The following NCOA2 variants were observed in gnomAD, a reference collection of about 807,000 sequenced individuals.
The protein encoded by NCOA2 is nuclear receptor coactivator 2.
In NCOA2, 21 loss-of-function variants were observed where a neutral mutation model predicts 145.1. The observed-to-expected ratio is 0.14, with a 90% CI of 0.10 to 0.21. The LOEUF (loss-of-function observed/expected upper bound fraction) is 0.21, where lower values mean the gene tolerates loss of function less well. Ranked by LOEUF, NCOA2 falls within the 10% of genes least tolerant of loss-of-function variation. The pLI is 1.00. For missense variants in NCOA2, 1,472 were observed against 1,837.6 expected (o/e 0.80, Z 3.64); for synonymous variants, 619 against 637.5 (o/e 0.97, Z 0.44).
chr8:70,247,235 C>A (rs1822708740), intron 2 of NCOA2, among the ~76,000 whole-genome samples: 1 of 151,984 alleles, frequency 6.6e-6, no homozygotes, highest in African/African-American at 2.4e-5. Context: ...CATAAGTTTC[C>A]ATAAAGACCT....
chr8:70,326,420 TTC>T (rs201624419), intron 1 of NCOA2, among the ~76,000 whole-genome samples: 33 of 140,690 alleles, frequency 2.3e-4, no homozygotes, highest in East Asian at 4.2e-4. Context: ...CTTTCTGCAT[TTC>T]TCTCTCTCAC....
intron 1 of NCOA2, among the ~76,000 whole-genome samples, chr8:70,370,844 A>G (rs1304414408): frequency 1.3e-5 from 2 of 152,194 alleles, no homozygotes; most frequent in African/African-American, 2.4e-5. Flanking sequence ...CAATTAGAGA[A>G]TATTTACCAG....
At chr8:70,445,688 G>A in the NCOA2 span, among the ~76,000 whole-genome samples, 3 of 152,188 alleles carry the variant, frequency 2.0e-5, no homozygotes, top group Admixed American at 6.5e-5. Flanking sequence ...GAGGATGTTC[G>A]AGTTTTAAAT....
At chr8:70,260,295 G>A (rs950216728) in intron 2 of NCOA2, among the ~76,000 whole-genome samples, 1 of 151,980 alleles carries the variant, frequency 6.6e-6, no homozygotes, top group Non-Finnish European at 1.5e-5. Context: ...TCCCAACCCA[G>A]CTAATTTTTA....
intron 4 of NCOA2, among the ~76,000 whole-genome samples, chr8:70,203,347 T>C (rs1818116571): frequency 6.6e-6 from 1 of 151,882 alleles, no homozygotes; most frequent in South Asian, 2.1e-4. Flanking sequence ...AATACGTAAG[T>C]CTAAAGTCCA....
At chr8:70,358,496 T>C (rs1809936445) in intron 1 of NCOA2, among the ~76,000 whole-genome samples, 1 of 152,092 alleles carries the variant, frequency 6.6e-6, no homozygotes, top group Non-Finnish European at 1.5e-5. Flanking sequence ...ATGTCAAGAG[T>C]ATTCAGTGGG....
At chr8:70,147,671 A>G (rs1254469749) in intron 12 of NCOA2, among the ~76,000 whole-genome samples, 1 of 152,238 alleles carries the variant, frequency 6.6e-6, no homozygotes. Context: ...TTCTAAACAG[A>G]CAACTTAACT....
chr8:70,200,052 T>C (rs1817721977), intron 4 of NCOA2, among the ~76,000 whole-genome samples: 1 of 152,190 alleles, frequency 6.6e-6, no homozygotes, highest in Admixed American at 6.5e-5. Flanking sequence ...ATAACAACTA[T>C]GTATATAGCA....
At chr8:70,281,355 CAAAAAAA>C (rs372574771) in intron 2 of NCOA2, among the ~76,000 whole-genome samples, 243 of 61,014 alleles carry the variant, frequency 4.0e-3, no homozygotes, top group Middle Eastern at 0.015. Flanking sequence ...GACCCTGTCT[CAAAAAAA>C]AAAAAAAAAA....
the NCOA2 span, among the ~76,000 whole-genome samples, chr8:70,420,498 C>T: frequency 1.2e-4 from 18 of 152,116 alleles, no homozygotes; most frequent in Admixed American, 2.6e-4. Context: ...ATGGCATGTT[C>T]TAAGGGGCAT....
chr8:70,404,561 A>C (rs1246109188), upstream of NCOA2, among the ~76,000 whole-genome samples: 3 of 152,202 alleles, frequency 2.0e-5, no homozygotes, highest in African/African-American at 7.2e-5. Flanking sequence ...GGCTTCTCCC[A>C]TTGCAGTCCT....
chr8:70,434,220 A>G, the NCOA2 span, among the ~76,000 whole-genome samples: 2 of 152,244 alleles, frequency 1.3e-5, no homozygotes, highest in African/African-American at 2.4e-5. Context: ...GTCTTCGGTC[A>G]TCGGAACATA....
intron 1 of NCOA2, among the ~76,000 whole-genome samples, chr8:70,369,583 A>C (rs1811027689): frequency 6.6e-6 from 1 of 152,206 alleles, no homozygotes; most frequent in Non-Finnish European, 1.5e-5. Context: ...AAGATAGAGC[A>C]GAAGGCACAC....
chr8:70,159,231 T>TAC (rs1812634071), intron 10 of NCOA2, among the ~76,000 whole-genome samples: 3 of 76,374 alleles, frequency 3.9e-5, no homozygotes, highest in East Asian at 7.1e-4. Flanking sequence ...ATTATATATA[T>TAC]ATATATATAT....
At chr8:70,448,934 A>T in the NCOA2 span, among the ~76,000 whole-genome samples, 33 of 151,976 alleles carry the variant, frequency 2.2e-4, no homozygotes, top group African/African-American at 8.0e-4. Context: ...TCTCCTGAGC[A>T]GCTGAGACAC....
intron 2 of NCOA2, among the ~76,000 whole-genome samples, chr8:70,262,917 C>T (rs1824257895): frequency 6.6e-6 from 1 of 151,856 alleles, no homozygotes; most frequent in Admixed American, 6.6e-5. Context: ...AAGAGATTAA[C>T]AACAATAGTT....
intron 2 of NCOA2, among the ~76,000 whole-genome samples, chr8:70,278,623 G>A (rs1238820027): frequency 6.6e-6 from 1 of 152,026 alleles, no homozygotes; most frequent in Non-Finnish European, 1.5e-5. Flanking sequence ...TCAGCCTCCA[G>A]TATTGCCCTC....
intron 1 of NCOA2, among the ~76,000 whole-genome samples, chr8:70,326,374 A>G (rs1217186449): frequency 6.6e-6 from 1 of 152,044 alleles, no homozygotes; most frequent in Non-Finnish European, 1.5e-5. Context: ...AGTGACAGCA[A>G]TAAAATTAAT....
intron 2 of NCOA2, among the ~76,000 whole-genome samples, chr8:70,260,223 G>C (rs564002100): frequency 6.6e-6 from 1 of 152,128 alleles, no homozygotes; most frequent in African/African-American, 2.4e-5. Context: ...TGTCGCCCAG[G>C]CTGGAGAACA....
Sources: gnomAD v4.1 joint callset for allele counts (sites outside exome capture counted in the v4.1 genomes callset) on GRCh38, gnomAD v4.1.1 for gene constraint, MANE v1.5 for transcripts, NCBI Gene and HGNC (gene_info 2026-07-23, HGNC 2026-07-21) for gene names.